NCKAP5: variants seen among roughly 807,000 people sequenced by gnomAD.
The protein encoded by NCKAP5 is NCK associated protein 5.
A neutral mutation model predicts 167.0 loss-of-function variants in NCKAP5; 92 were observed. That is an observed-to-expected ratio of 0.55 (90% CI 0.47 to 0.66). NCKAP5 has a LOEUF of 0.66. NCKAP5 is among the 30% of genes least tolerant of loss of function. NCKAP5 has a pLI of 0.00. For missense variants in NCKAP5, 2,378 were observed against 2,315.0 expected, an observed-to-expected ratio of 1.03 and a Z score of -0.56; for synonymous variants, 891 against 877.4, an observed-to-expected ratio of 1.02 and a Z score of -0.27.
At chr2:133,631,551 T>C in the NCKAP5 span, among the ~76,000 whole-genome samples, 15,038 of 152,270 alleles carry the variant, frequency 0.099, 861 homozygotes, top group African/African-American at 0.14. Context: ...TGTGATGTTA[T>C]TCTGTGAGTT....
the NCKAP5 span, among the ~76,000 whole-genome samples, chr2:133,660,386 T>TTG: frequency 3.3e-5 from 5 of 152,142 alleles, no homozygotes; most frequent in South Asian, 4.2e-4. Context: ...TTTCTTTATT[T>TTG]TGTGTGTGTG....
At position 133,506,916 on chromosome 2, in the gene NCKAP5, G is replaced by A. The variant is rs576286904; in HGVS notation, c.69+10542C>T. On this transcript the variant is annotated intron_variant, in intron 3 of 19. Transcript: ENST00000409261. ...CAAATCCTCTAAGAGGATGAGAAAGGCTAACTACTTTAGACCAGGCTCTCT... is the reference window on the plus strand; with the variant it reads ...CAAATCCTCTAAGAGGATGAGAAAGACTAACTACTTTAGACCAGGCTCTCT... 7.1e-4 allele frequency among the ~76,000 whole-genome samples: 108 copies of A among 152,240 alleles called. 1 individual carries two copies. The highest frequency in any genetic ancestry group is 2.4e-3 in the African/African-American group (100 of 41,546).
At chr2:132,774,320 G>C (rs1407396567) in intron 15 of NCKAP5, among the ~76,000 whole-genome samples, 1 of 152,084 alleles carries the variant, frequency 6.6e-6, no homozygotes, top group Admixed American at 6.5e-5. Context: ...TATTTTAATA[G>C]GAATAAAAAT....
intron 2 of NCKAP5, among the ~76,000 whole-genome samples, chr2:133,547,044 G>C (rs1008068945): frequency 6.6e-6 from 1 of 152,194 alleles, no homozygotes; most frequent in Non-Finnish European, 1.5e-5. Context: ...GCTGAAGCAG[G>C]GCGAGGCATT....
intron 3 of NCKAP5, among the ~76,000 whole-genome samples, chr2:133,429,514 G>A (rs71415569): frequency 0.03 from 4,539 of 152,028 alleles, 115 homozygotes; most frequent in Non-Finnish European, 0.039. Flanking sequence ...GTTCCCAGCT[G>A]TATGTCTGTG....
At chr2:133,597,615 G>A in the NCKAP5 span, among the ~76,000 whole-genome samples, 1 of 133,824 alleles carries the variant, frequency 7.5e-6, no homozygotes, top group Admixed American at 8.9e-5. Flanking sequence ...GTTGCAGTGA[G>A]CCAAGATCGC....
chr2:133,259,329 A>G (rs894486567), intron 4 of NCKAP5, among the ~76,000 whole-genome samples: 2 of 152,146 alleles, frequency 1.3e-5, no homozygotes, highest in Non-Finnish European at 2.9e-5. Context: ...CCTAAATTTT[A>G]AGTTCCTTGA....
At chr2:133,197,208 T>C (rs2085475458) in intron 5 of NCKAP5, among the ~76,000 whole-genome samples, 2 of 152,184 alleles carry the variant, frequency 1.3e-5, no homozygotes, top group South Asian at 2.1e-4. Context: ...TGAAGTACTA[T>C]GCTTGCCTCT....
At chr2:133,291,619 A>G (rs2150517781) in intron 4 of NCKAP5, among the ~76,000 whole-genome samples, 1 of 152,318 alleles carries the variant, frequency 6.6e-6, no homozygotes, top group East Asian at 1.9e-4. Flanking sequence ...TACATCTATG[A>G]CATTTAATCA....
intron 8 of NCKAP5, among the ~76,000 whole-genome samples, chr2:132,925,213 C>T (rs1457417784): frequency 6.6e-6 from 1 of 152,042 alleles, no homozygotes; most frequent in Non-Finnish European, 1.5e-5. Flanking sequence ...AGTGCACAAC[C>T]TAGATCCCTC....
chr2:132,698,470 T>G (rs1196370501), intron 19 of NCKAP5, among the ~76,000 whole-genome samples: 1 of 152,122 alleles, frequency 6.6e-6, no homozygotes, highest in African/African-American at 2.4e-5. Flanking sequence ...GGGGGAATGA[T>G]AAGGGGTAAC....
chr2:133,414,863 G>C (rs1689008209), intron 3 of NCKAP5, among the ~76,000 whole-genome samples: 1 of 152,182 alleles, frequency 6.6e-6, no homozygotes, highest in African/African-American at 2.4e-5. Flanking sequence ...TAACACATGA[G>C]TTAACTTATC....
intron 19 of NCKAP5, among the ~76,000 whole-genome samples, chr2:132,693,825 T>C (rs1260895288): frequency 2.0e-5 from 3 of 151,606 alleles, no homozygotes; most frequent in Non-Finnish European, 4.4e-5. Context: ...GGGGTTTCAC[T>C]ATATTGGCCA....
At chr2:133,494,711 A>G (rs1453821642) in intron 3 of NCKAP5, among the ~76,000 whole-genome samples, 2 of 152,102 alleles carry the variant, frequency 1.3e-5, no homozygotes, top group Non-Finnish European at 2.9e-5. Context: ...GATAAAATAG[A>G]CTTTTTATAG....
intron 13 of NCKAP5, among the ~76,000 whole-genome samples, chr2:132,787,718 C>T (rs539585176): frequency 6.6e-6 from 1 of 152,294 alleles, no homozygotes; most frequent in East Asian, 1.9e-4. Flanking sequence ...TGTACCATTA[C>T]AAACTCCTTT....
chr2:132,826,003 G>A (rs532664150), intron 11 of NCKAP5, among the ~76,000 whole-genome samples: 1 of 152,348 alleles, frequency 6.6e-6, no homozygotes, highest in Admixed American at 6.5e-5. Context: ...AGCAAGGGAA[G>A]AACAGAAAGC....
Position 132,825,440 on chromosome 2 carries a change from C to T in NCKAP5, c.808-28711G>A, listed in dbSNP as rs139778726. Among the ~76,000 whole-genome samples the T allele has an allele frequency of 5.1e-3, 778 of 152,278 alleles. 5 individuals carry two copies. Among genetic ancestry groups the T allele is most frequent in the Admixed American group, 0.021 (314 of 15,290 alleles). ...GAAGGGAGGTGACTAAGAGTTAAAA[C>T]GTTAATGGCCTCTTCAGTTACACTG... On this transcript the variant is annotated intron_variant, in intron 11 of 19. Transcript: ENST00000409261.
intron 8 of NCKAP5, chr2:132,931,530 T>C (rs542507394): frequency 3.3e-5 from 5 of 152,338 alleles, no homozygotes; most frequent in African/African-American, 4.8e-5. Flanking sequence ...CTGTGTAGCA[T>C]TGGGCAGGTC....
chr2:133,397,878 C>G (rs1687832588), intron 3 of NCKAP5, among the ~76,000 whole-genome samples: 1 of 152,146 alleles, frequency 6.6e-6, no homozygotes, highest in South Asian at 2.1e-4. Context: ...GATTCTCAGG[C>G]AAGGAGATCT....
Sources: allele counts gnomAD v4.1 joint callset (sites outside exome capture counted in the v4.1 genomes callset), GRCh38; gene constraint gnomAD v4.1.1; transcripts MANE v1.5; gene names NCBI Gene and HGNC (gene_info 2026-07-23, HGNC 2026-07-21).